Variants in ABCC4 observed in about 807,000 individuals in gnomAD.
ABCC4 encodes the protein ATP binding cassette subfamily C member 4 (PEL blood group), also known as ATP-binding cassette sub-family C member 4.
ABCC4 carries 102 observed loss-of-function variants against 168.5 expected under a neutral mutation model. The ratio of observed to expected loss-of-function variants is 0.61; its 90% CI spans 0.52 to 0.71. The LOEUF (loss-of-function observed/expected upper bound fraction) is 0.71, where lower values mean the gene tolerates loss of function less well. ABCC4 is among the 30% of genes least tolerant of loss of function. The pLI, the probability that ABCC4 is intolerant of heterozygous loss-of-function variation, is 0.00. For missense variants in ABCC4, 1,402 were observed against 1,605.8 expected (o/e 0.87, Z 2.17); for synonymous variants, 617 against 590.7 (o/e 1.04, Z -0.65).
intron 30 of ABCC4, among the ~76,000 whole-genome samples, chr13:95,029,731 CA>C (rs1303102430): frequency 6.6e-6 from 1 of 152,172 alleles, no homozygotes; most frequent in Non-Finnish European, 1.5e-5. Flanking sequence ...CTTTTATAAC[CA>C]ATAGCTAGAA....
intron 2 of ABCC4, among the ~76,000 whole-genome samples, 193 bp downstream of exon 2, chr13:95,247,450 C>T (rs548003995): frequency 1.3e-5 from 2 of 152,126 alleles, no homozygotes; most frequent in African/African-American, 2.4e-5. Context: ...CTGACCTCTA[C>T]GGAGGCACAG....
intron 1 of ABCC4, among the ~76,000 whole-genome samples, chr13:95,258,924 C>G (rs1471755526): frequency 6.6e-6 from 1 of 152,160 alleles, no homozygotes; most frequent in Non-Finnish European, 1.5e-5. Flanking sequence ...CTTGAAGAGT[C>G]TGCCAGCCCT....
chr13:95,159,348 T>A (rs1484924646), intron 19 of ABCC4, among the ~76,000 whole-genome samples: 2 of 151,858 alleles, frequency 1.3e-5, no homozygotes, highest in Non-Finnish European at 2.9e-5. Flanking sequence ...AAAGTAGACC[T>A]CTCTTGGGGT....
chr13:95,136,144 G>A (rs988200980), intron 19 of ABCC4, among the ~76,000 whole-genome samples: 2 of 152,012 alleles, frequency 1.3e-5, no homozygotes, highest in Non-Finnish European at 2.9e-5. Context: ...TTTCATTGTG[G>A]GGAAAGATCT....
At chr13:95,081,171 C>T (rs1335773474) in intron 21 of ABCC4, among the ~76,000 whole-genome samples, 2 of 147,454 alleles carry the variant, frequency 1.4e-5, no homozygotes, top group African/African-American at 4.9e-5. Context: ...TTGTCAGAAT[C>T]TCCACATGAA....
intron 1 of ABCC4, among the ~76,000 whole-genome samples, chr13:95,288,486 T>C (rs1303805417): frequency 6.6e-6 from 1 of 152,132 alleles, no homozygotes; most frequent in East Asian, 1.9e-4. Context: ...CTTAAAGACT[T>C]AAGACAATAA....
chr13:95,163,232 A>C lies in ABCC4; in HGVS notation c.2214-16T>G. Reference sequence around the variant, plus strand: ...TTTGTTTGCCCTATGGAACATGGGGAGAAAAAAATATTAAGCTATATATGA... The same window carrying C: ...TTTGTTTGCCCTATGGAACATGGGGCGAAAAAAATATTAAGCTATATATGA... On this transcript the variant is annotated splice_polypyrimidine_tract_variant and intron_variant, in intron 17 of 30. Transcript: ENST00000645237. The C allele has an allele frequency of 6.7e-7, 1 of 1,496,928 alleles. No homozygotes were observed. Among genetic ancestry groups the C allele is most frequent in the Non-Finnish European group, 9.2e-7 (1 of 1,087,038 alleles). The allele number at this position is 1,496,928 out of a possible 1,614,324, so 92.7% of individuals were successfully genotyped here.
chr13:95,226,187 C>A (rs1296910638), intron 4 of ABCC4, among the ~76,000 whole-genome samples: 1 of 150,398 alleles, frequency 6.6e-6, no homozygotes, highest in Non-Finnish European at 1.5e-5. Flanking sequence ...AAGACCATGT[C>A]TTAGAATTCA....
chr13:95,066,112 G>A (rs978927925), intron 25 of ABCC4, among the ~76,000 whole-genome samples: 1 of 152,316 alleles, frequency 6.6e-6, no homozygotes, highest in Non-Finnish European at 1.5e-5. Context: ...TCACCTGGTA[G>A]TTCATGCCCT....
At chr13:95,171,051 C>T (rs2037455246) in intron 13 of ABCC4, among the ~76,000 whole-genome samples, 1 of 146,894 alleles carries the variant, frequency 6.8e-6, no homozygotes, top group East Asian at 2.0e-4. Flanking sequence ...ATATCAACGC[C>T]CCCCCTCCAC....
At chr13:95,074,433 T>C in intron 22 of ABCC4, 109 bp from the exon 23 acceptor site, 2 of 781,196 alleles carry the variant, frequency 2.6e-6, no homozygotes, top group Non-Finnish European at 4.2e-6. Flanking sequence ...GCACCAAAGT[T>C]GCACACCCAA....
intron 1 of ABCC4, among the ~76,000 whole-genome samples, chr13:95,272,902 T>TA (rs1189663237): frequency 6.8e-6 from 1 of 147,840 alleles, no homozygotes; most frequent in African/African-American, 2.6e-5. Flanking sequence ...AATAAAAAAA[T>TA]AAAAAAATAA....
chr13:95,116,356 G>A (rs111960444), intron 19 of ABCC4, among the ~76,000 whole-genome samples: 3 of 152,092 alleles, frequency 2.0e-5, no homozygotes, highest in Non-Finnish European at 2.9e-5. Flanking sequence ...GTAGATGAAC[G>A]TACAGAAATT....
intron 1 of ABCC4, among the ~76,000 whole-genome samples, chr13:95,281,332 A>G (rs2041121952): frequency 6.7e-6 from 1 of 148,912 alleles, no homozygotes; most frequent in Non-Finnish European, 1.5e-5. Context: ...AAAGAGAGAG[A>G]GAAAGTTGAG....
intron 19 of ABCC4, among the ~76,000 whole-genome samples, chr13:95,125,611 C>G (rs2035731524): frequency 6.6e-6 from 1 of 152,132 alleles, no homozygotes; most frequent in Non-Finnish European, 1.5e-5. Context: ...TCCAGGGGCT[C>G]CAGTTCTACC....
At chr13:95,286,566 C>A (rs557326638) in intron 1 of ABCC4, among the ~76,000 whole-genome samples, 1 of 151,992 alleles carries the variant, frequency 6.6e-6, no homozygotes, top group Non-Finnish European at 1.5e-5. Context: ...GGGGGACTTA[C>A]AAACAGGTGA....
chr13:95,100,980 T>C (rs2034783528), intron 20 of ABCC4, among the ~76,000 whole-genome samples: 1 of 152,220 alleles, frequency 6.6e-6, no homozygotes, highest in Non-Finnish European at 1.5e-5. Context: ...TCAGTGGTAC[T>C]GAGACAAGTC....
chr13:95,034,413 C>T (rs1270730019), intron 30 of ABCC4, among the ~76,000 whole-genome samples, 192 bp downstream of exon 30: 2 of 152,220 alleles, frequency 1.3e-5, no homozygotes, highest in Non-Finnish European at 1.5e-5. Context: ...AACCCCTACC[C>T]GCTTCTGCCA....
At chr13:95,193,017 C>G (rs1325194570) in intron 9 of ABCC4, among the ~76,000 whole-genome samples, 1 of 152,130 alleles carries the variant, frequency 6.6e-6, no homozygotes, top group African/African-American at 2.4e-5. Flanking sequence ...GCACAAGATG[C>G]GATGATGTTC....
Sources: allele counts gnomAD v4.1 joint callset (sites outside exome capture counted in the v4.1 genomes callset), GRCh38; gene constraint gnomAD v4.1.1; transcripts MANE v1.5; gene names NCBI Gene and HGNC (gene_info 2026-07-23, HGNC 2026-07-21).